The following LYN variants were observed in gnomAD, a reference collection of about 807,000 sequenced individuals.
LYN encodes the protein LYN proto-oncogene, Src family tyrosine kinase, also known as tyrosine-protein kinase Lyn.
Under a neutral mutation model 65.0 loss-of-function variants are expected in LYN, and 12 were observed. The ratio of observed to expected loss-of-function variants is 0.18; its 90% confidence interval spans 0.12 to 0.30. The LOEUF (loss-of-function observed/expected upper bound fraction) is 0.30, where lower values mean the gene tolerates loss of function less well. Among genes scored for constraint, LYN ranks in the 10% least tolerant of loss-of-function variants. The probability of loss-of-function intolerance (pLI) is 1.00; values close to 1 mark genes in which losing one functional copy is unlikely to be tolerated. For missense variants in LYN, 380 were observed against 623.2 expected (o/e 0.61, Z 4.16); for synonymous variants, 222 against 221.2 (o/e 1.00, Z -0.03).
chr8:55,962,450 A>G (rs1807313909), intron 8 of LYN, among the ~76,000 whole-genome samples: 1 of 151,904 alleles, frequency 6.6e-6, no homozygotes, highest in African/African-American at 2.4e-5. Flanking sequence ...CAGTTCATTC[A>G]TCTTCATCTC....
chr8:56,009,180 G>A (rs1808750592), intron 12 of LYN, among the ~76,000 whole-genome samples: 1 of 152,186 alleles, frequency 6.6e-6, no homozygotes, highest in South Asian at 2.1e-4. Context: ...CTGAAAGCAT[G>A]CTACCCTGCA....
At chr8:55,901,369 G>A (rs144229629) in intron 1 of LYN, among the ~76,000 whole-genome samples, 181 of 152,324 alleles carry the variant, frequency 1.2e-3, no homozygotes, top group African/African-American at 4.1e-3. Context: ...GATGAAGTCA[G>A]TGTAAGTGAT....
intron 2 of LYN, among the ~76,000 whole-genome samples, chr8:55,943,848 C>T (rs892117416): frequency 2.6e-5 from 4 of 151,770 alleles, no homozygotes; most frequent in East Asian, 1.9e-4. Context: ...TTTGGGAGGC[C>T]GAGGCAGGTG....
At chr8:55,973,379 C>G (rs777183857) in intron 10 of LYN, among the ~76,000 whole-genome samples, 3 of 152,220 alleles carry the variant, frequency 2.0e-5, no homozygotes, top group Non-Finnish European at 4.4e-5. Context: ...AGCAGCTTTA[C>G]CCACTGCTTT....
At position 55,947,661 on chromosome 8, in the gene LYN, T is replaced by C. The variant is rs759990855; in HGVS notation, c.222T>C (p.Tyr74=). 1.9e-6 allele frequency: 3 copies of C among 1,614,086 alleles called. No individual in the cohort carries two copies. The highest frequency in any genetic ancestry group is 2.5e-6 in the Non-Finnish European group (3 of 1,179,914). ...QGDIVVALYP[Y]DGIHPDDLSF... is the part of the protein sequence containing the mutation. ...ACATTGTGGTAGCCTTGTACCCCTA[T>C]GATGGCATCCACCCGGACGACTTGT... The change falls in exon 4 of 13, where the codon TAT becomes TAC. Residue 74 remains tyrosine, a synonymous_variant. Transcript: ENST00000519728.
intron 3 of LYN, among the ~76,000 whole-genome samples, chr8:55,946,729 TAA>T (rs1210161229): frequency 6.6e-6 from 1 of 152,060 alleles, no homozygotes; most frequent in East Asian, 1.9e-4. Flanking sequence ...CCATACCCAT[TAA>T]ACAATAAGTC....
chr8:56,003,732 TAAAAG>T (rs369199289), intron 12 of LYN, among the ~76,000 whole-genome samples: 13 of 146,900 alleles, frequency 8.8e-5, no homozygotes, highest in African/African-American at 3.0e-4. Flanking sequence ...AAAAAGGAAA[TAAAAG>T]AAAGGAGGAA....
intron 1 of LYN, among the ~76,000 whole-genome samples, chr8:55,926,334 G>A (rs1409147231): frequency 6.6e-6 from 1 of 152,216 alleles, no homozygotes; most frequent in African/African-American, 2.4e-5. Context: ...CAATGGTTCT[G>A]CAGGATTAGT....
At chr8:55,928,675 G>A (rs1404744996) in intron 1 of LYN, among the ~76,000 whole-genome samples, 2 of 152,082 alleles carry the variant, frequency 1.3e-5, no homozygotes, top group Non-Finnish European at 2.9e-5. Context: ...ATTTTAATCT[G>A]TGGCTTGTCT....
chr8:55,958,831 C>T (rs1205331504), intron 8 of LYN, among the ~76,000 whole-genome samples: 1 of 152,198 alleles, frequency 6.6e-6, no homozygotes. Context: ...CCTTTATATG[C>T]ATACATAACC....
At chr8:55,969,204 C>T (rs750161285) in intron 9 of LYN, among the ~76,000 whole-genome samples, 1 of 152,214 alleles carries the variant, frequency 6.6e-6, no homozygotes, top group African/African-American at 2.4e-5. Flanking sequence ...GCTTGGGAGG[C>T]TGATGCTGCA....
rs537638876 is a variant in LYN at position 56,010,891 on chromosome 8, A to T, written c.*781A>T. 4.3e-6 allele frequency: 1 copy of T among 230,232 alleles called. No individual in the cohort carries two copies. Among genetic ancestry groups the T allele is most frequent in the African/African-American group, 2.2e-5 (1 of 45,304 alleles). 14.3% of individuals were successfully genotyped at this position (230,232 alleles called of 1,614,324 possible). ...CAGAAACTGCTCTGTGTTTAGAAGG[A>T]ATATTTTTAAGAGTCCAGCTTTTTC... On this transcript the variant is annotated 3_prime_UTR_variant, in exon 13 of 13. Coordinates refer to ENST00000519728, the MANE Select transcript of LYN (RefSeq NM_002350.4).
Position 55,947,704 on chromosome 8 carries a change from A to G in LYN, c.265A>G (p.Lys89Glu), listed in dbSNP as rs750197405. The G allele has an allele frequency of 1.9e-6, 3 of 1,613,574 alleles. No homozygotes were observed. The highest frequency in any genetic ancestry group is 1.7e-5 in the Admixed American group (1 of 60,016). The part of the protein sequence containing the change: ...PDDLSFKKGE[K>E]MKVLEEHGEW... ...CGACTTGTCTTTCAAGAAAGGAGAG[A>G]AGATGAAAGTCCTGGAGGAGTAAGT... Residue 89 changes from lysine (K) to glutamate (E), a missense_variant, in exon 4 of 13, where the codon AAG becomes GAG. This residue lies in a region of LYN where 157 missense variants were observed against 193.2 expected (regional missense o/e 0.81). Coordinates refer to ENST00000519728, the MANE Select transcript of LYN (RefSeq NM_002350.4).
At chr8:56,009,637 G>A (rs1808760569) in intron 12 of LYN, among the ~76,000 whole-genome samples, 1 of 152,124 alleles carries the variant, frequency 6.6e-6, no homozygotes, top group Admixed American at 6.6e-5. Flanking sequence ...ATTGGATTAA[G>A]ACCTACCCAA....
intron 10 of LYN, among the ~76,000 whole-genome samples, chr8:55,988,955 G>A (rs1169710131): frequency 6.6e-6 from 1 of 151,992 alleles, no homozygotes; most frequent in Non-Finnish European, 1.5e-5. Flanking sequence ...TTCTCAAAAA[G>A]CGATAGTAAT....
At chr8:55,893,166 C>A (rs948543540) in intron 1 of LYN, among the ~76,000 whole-genome samples, 1 of 152,158 alleles carries the variant, frequency 6.6e-6, no homozygotes, top group Non-Finnish European at 1.5e-5. Flanking sequence ...TTTACCCTGG[C>A]GATTCAGTTG....
rs149694086 is a variant in LYN at position 55,988,289 on chromosome 8, C to G, written c.1051-10057C>G. On this transcript the variant is annotated intron_variant, in intron 10 of 12. Coordinates refer to ENST00000519728, the MANE Select transcript of LYN (RefSeq NM_002350.4). ...AGTTCTTAAACTTTTTGCAAACTCC[C>G]TGGTGTGTGTGTGTGTGTGTGTGTG... 2.5e-3 allele frequency among the ~76,000 whole-genome samples: 281 copies of G among 111,650 alleles called. 1 individual carries two copies. Among genetic ancestry groups the G allele is most frequent in the African/African-American group, 0.011 (261 of 23,086 alleles). 73.2% of individuals were successfully genotyped at this position (111,650 alleles called of 152,430 possible).
At chr8:55,905,543 C>T (rs1429912409) in intron 1 of LYN, among the ~76,000 whole-genome samples, 1 of 152,274 alleles carries the variant, frequency 6.6e-6, no homozygotes, top group Admixed American at 6.5e-5. Context: ...GAGATGTGTC[C>T]AGAATTGCTA....
chr8:55,887,037 G>A (rs1215716550), intron 1 of LYN, among the ~76,000 whole-genome samples: 1 of 152,170 alleles, frequency 6.6e-6, no homozygotes, highest in Admixed American at 6.5e-5. Context: ...CAGTCCAATA[G>A]GGAGGTTTAT....
Sources: allele counts gnomAD v4.1 joint callset (sites outside exome capture counted in the v4.1 genomes callset), GRCh38; gene constraint gnomAD v4.1.1; regional missense constraint gnomAD v4.1.1; transcripts MANE v1.5; gene names NCBI Gene and HGNC (gene_info 2026-07-23, HGNC 2026-07-21).